The following MORN5 variants were observed in gnomAD, a reference collection of about 807,000 sequenced individuals.
MORN5 encodes the protein MORN repeat-containing protein 5.
Under a neutral mutation model 22.1 loss-of-function variants are expected in MORN5, and 21 were observed. The ratio of observed to expected loss-of-function variants is 0.95; its 90% CI spans 0.67 to 1.37. The LOEUF (loss-of-function observed/expected upper bound fraction) is 1.37, where lower values mean the gene tolerates loss of function less well. Ranked by LOEUF, MORN5 falls within the 40% of genes most tolerant of loss-of-function variation. MORN5 has a pLI of 0.00. For synonymous variants in MORN5, 73 were observed against 74.0 expected (o/e 0.99, Z 0.07); for missense variants, 211 against 215.1 (o/e 0.98, Z 0.12).
intron 4 of MORN5, among the ~76,000 whole-genome samples, chr9:122,193,229 T>C (rs1338261005): frequency 6.6e-6 from 1 of 152,244 alleles, no homozygotes; most frequent in Non-Finnish European, 1.5e-5. Context: ...TATGAACTTA[T>C]ACATTTTTGG....
chr9:122,183,939 C>G (rs768053605), intron 4 of MORN5, among the ~76,000 whole-genome samples: 1 of 152,114 alleles, frequency 6.6e-6, no homozygotes, highest in African/African-American at 2.4e-5. Flanking sequence ...AAACCACAAG[C>G]CTCATTTGAA....
In MORN5 at chr9:122,169,690, T is replaced by C; in HGVS notation, c.241T>C (p.Trp81Arg). 6.2e-7 allele frequency: 1 copy of C among 1,614,130 alleles called. No homozygotes were observed. The highest frequency in any genetic ancestry group is 8.5e-7 in the Non-Finnish European group (1 of 1,180,014). ...SDGLHYDEKN[W>R]HYCDGYDRRF... ...TGGGCTGCACTATGATGAGAAAAAC[T>C]GGCATTACTGCGACGGCTATGATCG... is the stretch of plus-strand genomic sequence containing the variant. Residue 81 changes from tryptophan to arginine, a missense_variant, in exon 3 of 5, where the codon TGG becomes CGG. Transcript: ENST00000373764.
intron 4 of MORN5, among the ~76,000 whole-genome samples, chr9:122,195,246 A>G (rs1571586): frequency 0.5 from 76,218 of 152,058 alleles, 22,109 homozygotes; most frequent in African/African-American, 0.79. Flanking sequence ...ATTCTCGCAA[A>G]GATAGTACAG....
At chr9:122,166,305 G>T (rs1264593628) in intron 1 of MORN5, among the ~76,000 whole-genome samples, 2 of 144,376 alleles carry the variant, frequency 1.4e-5, no homozygotes, top group African/African-American at 5.9e-5. Flanking sequence ...ATGGTGGTAA[G>T]CTTCAAACCC....
At chr9:122,162,501 A>G (rs145632237) in intron 1 of MORN5, among the ~76,000 whole-genome samples, 2 of 152,336 alleles carry the variant, frequency 1.3e-5, no homozygotes, top group Non-Finnish European at 2.9e-5. Context: ...AAGTGTATAT[A>G]TACACAAAGA....
chr9:122,176,117 C>CAAA lies in MORN5; in HGVS notation c.439+1508_439+1510dup, dbSNP rs747126842. 6.8e-4 allele frequency among the ~76,000 whole-genome samples: 35 copies of CAAA among 51,352 alleles called. 1 individual carries two copies. Among genetic ancestry groups the CAAA allele is most frequent in the African/African-American group, 2.1e-3 (33 of 15,350 alleles). 33.7% of individuals were successfully genotyped at this position (51,352 alleles called of 152,430 possible). The stretch of plus-strand genomic sequence containing the variant: ...TGGGCGACAGAGCAAGACTCCGTCT[C>CAAA]AAAAAAAAAAAAAAAAAAAAGAGCA... On this transcript the variant is annotated intron_variant, in intron 4 of 4. Transcript: ENST00000373764.
chr9:122,167,015 T>G, intron 2 of MORN5, 100 bp downstream of exon 2: 1 of 1,157,262 alleles, frequency 8.6e-7, no homozygotes, highest in Non-Finnish European at 1.2e-6. Context: ...GCCCACCTTG[T>G]TCCATTCACT....
intron 1 of MORN5, among the ~76,000 whole-genome samples, chr9:122,163,852 T>A (rs1384146142): frequency 6.6e-6 from 1 of 152,242 alleles, no homozygotes; most frequent in Non-Finnish European, 1.5e-5. Context: ...CAGTAAATGT[T>A]GGCTGAATGA....
rs1417816292 is a variant in MORN5 at position 122,197,903 on chromosome 9, C to T, written c.440-1982C>T. 2.6e-5 allele frequency among the ~76,000 whole-genome samples: 4 copies of T among 152,210 alleles called. No homozygotes were observed. The highest frequency in any genetic ancestry group is 5.9e-5 in the Non-Finnish European group (4 of 68,036). ...GATTTCCCAGCCGCAGCAGGGACTC[C>T]CAGGCAGCCTCCCCAGAGGAAACTG... On this transcript the variant is annotated intron_variant, in intron 4 of 4. Coordinates refer to ENST00000373764, the MANE Select transcript of MORN5 (RefSeq NM_198469.4). This position sits in a 1 kb window ranked among gnomAD's most constrained non-coding sequence, Gnocchi z 5.7.
intron 2 of MORN5, among the ~76,000 whole-genome samples, chr9:122,168,920 C>T (rs777492187): frequency 9.2e-5 from 14 of 152,106 alleles, no homozygotes; most frequent in African/African-American, 3.4e-4. Context: ...CCCAGGAAAG[C>T]TGTTAGTGTA....
chr9:122,193,358 G>T (rs972939557), intron 4 of MORN5, among the ~76,000 whole-genome samples: 1 of 152,218 alleles, frequency 6.6e-6, no homozygotes, highest in African/African-American at 2.4e-5. Context: ...AAGCCAAGGC[G>T]GGTGGATCGT....
At chr9:122,199,167 C>A (rs1829958260) in intron 4 of MORN5, among the ~76,000 whole-genome samples, 1 of 152,186 alleles carries the variant, frequency 6.6e-6, no homozygotes, top group African/African-American at 2.4e-5. Flanking sequence ...AAAAACAGCA[C>A]AGGCTTTATA....
chr9:122,174,436 G>C, intron 3 of MORN5, 60 bp from the exon 4 acceptor site: 4 of 1,593,430 alleles, frequency 2.5e-6, no homozygotes, highest in Non-Finnish European at 2.6e-6. Flanking sequence ...GACCTTATGG[G>C]AACACTGGGT....
chr9:122,193,271 A>C (rs1829812406), intron 4 of MORN5, among the ~76,000 whole-genome samples: 1 of 152,184 alleles, frequency 6.6e-6, no homozygotes, highest in South Asian at 2.1e-4. Flanking sequence ...CTCATATTAC[A>C]TTTGGTTGTT....
chr9:122,199,124 G>C (rs1166676325), intron 4 of MORN5, among the ~76,000 whole-genome samples: 1 of 152,192 alleles, frequency 6.6e-6, no homozygotes, highest in African/African-American at 2.4e-5. Context: ...TGGACTGAAT[G>C]TGATTCACTC....
Position 122,166,851 on chromosome 9 carries a change from G to A in MORN5, c.131G>A (p.Gly44Glu). The A allele has an allele frequency of 1.2e-6, 2 of 1,613,948 alleles. No homozygotes were observed. Among genetic ancestry groups the A allele is most frequent in the East Asian group, 2.2e-5 (1 of 44,856 alleles). ...AAGGATGGCATGTTTCACGGCGAGGGAACCCTGTACTTCCCCAGCGGAAGC... is the reference window on the plus strand; with the variant it reads ...AAGGATGGCATGTTTCACGGCGAGGAAACCCTGTACTTCCCCAGCGGAAGC... ...EMKDGMFHGE[G>E]TLYFPSGSQY... Residue 44 changes from glycine to glutamate, a missense_variant, in exon 2 of 5, where the codon GGA (glycine) becomes GAA (glutamate). Coordinates refer to ENST00000373764, the MANE Select transcript of MORN5 (RefSeq NM_198469.4).
intron 4 of MORN5, among the ~76,000 whole-genome samples, chr9:122,198,127 A>G (rs936829877): frequency 2.0e-5 from 3 of 152,160 alleles, no homozygotes; most frequent in African/African-American, 4.8e-5. Context: ...TGGACTTAGG[A>G]CAAGGCTCTC....
At chr9:122,196,453 T>C (rs1967851) in intron 4 of MORN5, among the ~76,000 whole-genome samples, 143,398 of 151,470 alleles carry the variant, frequency 0.95, 67,908 homozygotes, top group Middle Eastern at 0.99. Flanking sequence ...CCTGACTCAG[T>C]CTCCCATGTA....
intron 1 of MORN5, among the ~76,000 whole-genome samples, chr9:122,166,138 T>C (rs537412325): frequency 4.6e-5 from 7 of 152,158 alleles, no homozygotes; most frequent in Non-Finnish European, 8.8e-5. Context: ...TTCACTATCA[T>C]GAGAACAGCA....
Sources: allele counts gnomAD v4.1 joint callset (sites outside exome capture counted in the v4.1 genomes callset), GRCh38; gene constraint gnomAD v4.1.1; non-coding constraint Gnocchi (gnomAD v3.1); transcripts MANE v1.5; gene names NCBI Gene and HGNC (gene_info 2026-07-23, HGNC 2026-07-21).